The following ANKRD6 variants were observed in gnomAD, a reference collection of about 807,000 sequenced individuals.
ANKRD6 encodes ankyrin repeat domain-containing protein 6.
A neutral mutation model predicts 82.3 loss-of-function variants in ANKRD6; 56 were observed. The ratio of observed to expected loss-of-function variants is 0.68; its 90% CI spans 0.55 to 0.85. The LOEUF is 0.85. Among genes scored for constraint, ANKRD6 ranks in the 40% least tolerant of loss-of-function variants. The pLI is 0.00. For synonymous variants in ANKRD6, 347 were observed against 352.1 expected (o/e 0.99, Z 0.16); for missense variants, 852 against 907.6 (o/e 0.94, Z 0.79).
chr6:89,457,853 T>C (rs1274283309), intron 1 of ANKRD6, among the ~76,000 whole-genome samples: 3 of 152,182 alleles, frequency 2.0e-5, no homozygotes. Flanking sequence ...TGTTTGTGTC[T>C]CCCCCGCGAA....
At chr6:89,542,707 G>A (rs1377402129) in intron 1 of ANKRD6, among the ~76,000 whole-genome samples, 1 of 152,186 alleles carries the variant, frequency 6.6e-6, no homozygotes, top group African/African-American at 2.4e-5. Context: ...GTAGGACGTT[G>A]TCTTTTAACC....
At chr6:89,594,198 A>G (rs966374169) in intron 2 of ANKRD6, among the ~76,000 whole-genome samples, 2 of 152,142 alleles carry the variant, frequency 1.3e-5, no homozygotes, top group South Asian at 2.1e-4. Context: ...AACGCCTGCA[A>G]TCTCAGCACT....
At chr6:89,559,378 C>T (rs963678901) in intron 1 of ANKRD6, among the ~76,000 whole-genome samples, 16 of 152,174 alleles carry the variant, frequency 1.1e-4, no homozygotes, top group African/African-American at 3.4e-4. Context: ...TGAAAACTTT[C>T]CTGACCTCCT....
intron 1 of ANKRD6, among the ~76,000 whole-genome samples, chr6:89,544,714 CA>C (rs1040532384): frequency 6.6e-6 from 1 of 150,634 alleles, no homozygotes; most frequent in Non-Finnish European, 1.5e-5. Flanking sequence ...ATTCTATGTC[CA>C]AAAAAACCCC....
chr6:89,576,346 G>A (rs1791108907), intron 2 of ANKRD6, among the ~76,000 whole-genome samples: 1 of 151,894 alleles, frequency 6.6e-6, no homozygotes, highest in African/African-American at 2.4e-5. Flanking sequence ...CACCACACCT[G>A]GCCATTTGCA....
chr6:89,536,826 A>C (rs1783899070), intron 1 of ANKRD6, among the ~76,000 whole-genome samples: 1 of 152,064 alleles, frequency 6.6e-6, no homozygotes, highest in Non-Finnish European at 1.5e-5. Flanking sequence ...ACCTTCATGT[A>C]CTCATCTGGA....
chr6:89,476,162 T>C (rs1458430364), intron 1 of ANKRD6, among the ~76,000 whole-genome samples: 3 of 152,112 alleles, frequency 2.0e-5, no homozygotes, highest in Admixed American at 2.0e-4. Flanking sequence ...TGTGTATGTT[T>C]TTGTGTTTTT....
At chr6:89,505,431 C>G (rs1209722492) in intron 1 of ANKRD6, among the ~76,000 whole-genome samples, 1 of 152,190 alleles carries the variant, frequency 6.6e-6, no homozygotes, top group Non-Finnish European at 1.5e-5. Flanking sequence ...GAATCACTGG[C>G]AGGGCTGGGC....
At position 89,505,521 on chromosome 6, in the gene ANKRD6, G is replaced by T. The variant is rs372000363; in HGVS notation, c.-143-61313G>T. Reference sequence around the variant, plus strand: ...TTACAGGACATTAACTGGACCTGTAGGTTCAAGAATCCACTCTTTACTGGG... The same window carrying T: ...TTACAGGACATTAACTGGACCTGTATGTTCAAGAATCCACTCTTTACTGGG... On this transcript the variant is annotated intron_variant, in intron 1 of 15. Transcript: ENST00000339746. Among the ~76,000 whole-genome samples the T allele has an allele frequency of 1.6e-4, 24 of 152,292 alleles. No homozygotes were observed. The East Asian group carries it at 3.9e-3, about 24-fold the overall frequency.
At chr6:89,552,562 G>A (rs1473432456) in intron 1 of ANKRD6, among the ~76,000 whole-genome samples, 1 of 152,192 alleles carries the variant, frequency 6.6e-6, no homozygotes, top group Non-Finnish European at 1.5e-5. Context: ...GACAGAGGAA[G>A]GAGTAGATGT....
chr6:89,433,848 G>A lies in ANKRD6; in HGVS notation c.-144+473G>A, dbSNP rs767134585. On this transcript the variant is annotated intron_variant, in intron 1 of 15. Coordinates refer to ENST00000339746, the MANE Select transcript of ANKRD6 (RefSeq NM_001242809.2). This position sits in a 1 kb window ranked among gnomAD's most constrained non-coding sequence, Gnocchi z 4.3. ...AGGGTGCAGTCGCAGGAGAGGGGCC[G>A]ATACCCCTCAGGAGCCCCATCGGCG... 2.0e-5 allele frequency among the ~76,000 whole-genome samples: 3 copies of A among 152,226 alleles called. No individual in the cohort carries two copies. The highest frequency in any genetic ancestry group is 4.4e-5 in the Non-Finnish European group (3 of 68,038).
intron 2 of ANKRD6, among the ~76,000 whole-genome samples, chr6:89,595,277 C>T (rs1454304597): frequency 2.0e-5 from 3 of 152,152 alleles, no homozygotes; most frequent in Non-Finnish European, 4.4e-5. Context: ...GCAGGAGAAT[C>T]GCTTGAGCCT....
At chr6:89,570,246 A>C (rs930004654) in intron 2 of ANKRD6, among the ~76,000 whole-genome samples, 5 of 152,084 alleles carry the variant, frequency 3.3e-5, no homozygotes, top group Non-Finnish European at 7.4e-5. Flanking sequence ...TTAATTGTTA[A>C]GACAGGGTCT....
rs1807770637 is a variant in ANKRD6 at position 89,633,338 on chromosome 6, A to G, written c.*2334A>G. The G allele has an allele frequency of 6.6e-6, 1 of 152,222 alleles. No homozygotes were observed. Among genetic ancestry groups the G allele is most frequent in the Non-Finnish European group, 1.5e-5 (1 of 68,032 alleles). The allele number at this position is 152,222 out of a possible 1,614,324, so 9.4% of individuals were successfully genotyped here. On this transcript the variant is annotated 3_prime_UTR_variant, in exon 16 of 16. Coordinates refer to ENST00000339746, the MANE Select transcript of ANKRD6 (RefSeq NM_001242809.2). Reference sequence around the variant, plus strand: ...GCAAATGTTGTTTCATCTGTTTTTGATCCTTGGCATTGTCAAAAACTTAAC... The same window carrying G: ...GCAAATGTTGTTTCATCTGTTTTTGGTCCTTGGCATTGTCAAAAACTTAAC...
At chr6:89,488,838 A>G (rs997387192) in intron 1 of ANKRD6, among the ~76,000 whole-genome samples, 1 of 151,752 alleles carries the variant, frequency 6.6e-6, no homozygotes, top group Admixed American at 6.6e-5. Context: ...CACAAATGAA[A>G]CAAATGTTTC....
intron 1 of ANKRD6, among the ~76,000 whole-genome samples, chr6:89,477,980 C>A (rs1776282953): frequency 6.6e-6 from 1 of 152,098 alleles, no homozygotes; most frequent in Non-Finnish European, 1.5e-5. Flanking sequence ...ATTGAATTAT[C>A]TCTGTCCTCA....
At chr6:89,587,126 G>T (rs1236654567) in intron 2 of ANKRD6, among the ~76,000 whole-genome samples, 1 of 151,320 alleles carries the variant, frequency 6.6e-6, no homozygotes, top group Non-Finnish European at 1.5e-5. Flanking sequence ...GGGAGGCATA[G>T]GTTGCAGTGA....
At chr6:89,445,692 C>T (rs1771986863) in intron 1 of ANKRD6, among the ~76,000 whole-genome samples, 3 of 152,238 alleles carry the variant, frequency 2.0e-5, no homozygotes, top group South Asian at 4.1e-4. Flanking sequence ...GATCTGCCCG[C>T]CTCGGCCTCC....
At chr6:89,535,095 G>A (rs1428511394) in intron 1 of ANKRD6, among the ~76,000 whole-genome samples, 1 of 152,130 alleles carries the variant, frequency 6.6e-6, no homozygotes, top group Non-Finnish European at 1.5e-5. Flanking sequence ...GGCATTCAAA[G>A]TCTTAAACAA....
Sources: gnomAD v4.1 joint callset for allele counts (sites outside exome capture counted in the v4.1 genomes callset) on GRCh38, gnomAD v4.1.1 for gene constraint, Gnocchi (gnomAD v3.1) non-coding constraint, MANE v1.5 for transcripts, NCBI Gene and HGNC (gene_info 2026-07-23, HGNC 2026-07-21) for gene names.